Variants in DOCK1 observed in about 807,000 individuals in gnomAD.
The protein encoded by DOCK1 is dedicator of cytokinesis 1, also known as dedicator of cytokinesis protein 1.
Under a neutral mutation model 262.7 loss-of-function variants are expected in DOCK1, and 138 were observed. The ratio of observed to expected loss-of-function variants is 0.53; its 90% confidence interval spans 0.46 to 0.61. The LOEUF is 0.61. DOCK1 is among the 20% of genes least tolerant of loss of function. The pLI, the probability that DOCK1 is intolerant of heterozygous loss-of-function variation, is 0.00. For missense variants in DOCK1, 1,908 were observed against 2,370.7 expected, an observed-to-expected ratio of 0.80 and a Z score of 4.05; for synonymous variants, 866 against 867.4, an observed-to-expected ratio of 1.00 and a Z score of 0.03.
In DOCK1 at chr10:127,114,998, A is replaced by G. The variant is rs531453846; in HGVS notation, c.2623+4644A>G. 4.5e-4 allele frequency among the ~76,000 whole-genome samples: 68 copies of G among 151,656 alleles called. 1 individual carries two copies. The highest frequency in any genetic ancestry group is 1.4e-3 in the Admixed American group (21 of 15,240). On this transcript the variant is annotated intron_variant, in intron 25 of 51. Coordinates refer to ENST00000623213, the MANE Select transcript of DOCK1 (RefSeq NM_001290223.2). The stretch of plus-strand genomic sequence containing the variant: ...TCTTGATCTCTTGACCTCGTGATCC[A>G]CCCTCCTCAGCCTCCCATAGTGCTG...
intron 1 of DOCK1, among the ~76,000 whole-genome samples, chr10:126,937,887 C>G (rs1428155349): frequency 1.3e-5 from 2 of 152,090 alleles, no homozygotes; most frequent in African/African-American, 4.8e-5. Context: ...TTGTTGTTTT[C>G]TGTGCACTTG....
rs1359055544 is a variant in DOCK1, at chr10:127,451,225, A to T, written c.5566-107A>T. 6.4e-6 allele frequency: 8 copies of T among 1,252,060 alleles called. No individual in the cohort carries two copies. In the East Asian group the frequency reaches 2.0e-4, roughly 32 times the overall value. The allele number at this position is 1,252,060 out of a possible 1,614,324, so 77.6% of individuals were successfully genotyped here. On this transcript the variant is annotated intron_variant, in intron 51 of 51. Transcript: ENST00000623213. ...ATGGAGCCCAACTCATGTGGGGAGGATGGTTCCGGCTGAGTGGCTGTGCCA... is the reference window on the plus strand; with the variant it reads ...ATGGAGCCCAACTCATGTGGGGAGGTTGGTTCCGGCTGAGTGGCTGTGCCA...
intron 1 of DOCK1, among the ~76,000 whole-genome samples, chr10:126,937,711 A>C (rs2034650114): frequency 6.6e-6 from 1 of 151,172 alleles, no homozygotes; most frequent in Non-Finnish European, 1.5e-5. Context: ...CTTTGTTTTT[A>C]TTGAGTTGTA....
chr10:126,912,168 C>G (rs180897040), intron 1 of DOCK1, among the ~76,000 whole-genome samples: 2 of 152,232 alleles, frequency 1.3e-5, no homozygotes, highest in Admixed American at 6.5e-5. Context: ...GTGGCTCACA[C>G]CTGTAATCCC....
chr10:126,968,688 G>T (rs943707092), intron 1 of DOCK1, among the ~76,000 whole-genome samples: 1 of 152,198 alleles, frequency 6.6e-6, no homozygotes, highest in African/African-American at 2.4e-5. Context: ...CAGAATAGGT[G>T]TGCTGGCAGG....
At chr10:127,036,171 G>A (rs2043600695) in intron 18 of DOCK1, among the ~76,000 whole-genome samples, 2 of 152,172 alleles carry the variant, frequency 1.3e-5, no homozygotes, top group South Asian at 4.1e-4. Flanking sequence ...ACCACCTTGT[G>A]AATCAGGCAA....
chr10:127,384,540 C>T (rs771750116), intron 37 of DOCK1, among the ~76,000 whole-genome samples: 19 of 152,326 alleles, frequency 1.2e-4, no homozygotes, highest in Admixed American at 3.3e-4. Context: ...CTGCCAGTTC[C>T]GTGCTTTGCA....
chr10:127,347,289 C>T lies in DOCK1; in HGVS notation c.3224+3543C>T, dbSNP rs190705256. On this transcript the variant is annotated intron_variant, in intron 31 of 51. Transcript: ENST00000623213. ...GTGCCGGGGACAAAGACACAGACCTCGTGACGAAGAAGGTCATGGTCTAGT... is the reference window on the plus strand; with the variant it reads ...GTGCCGGGGACAAAGACACAGACCTTGTGACGAAGAAGGTCATGGTCTAGT... Among the ~76,000 whole-genome samples the T allele has an allele frequency of 2.1e-3, 319 of 152,202 alleles. 1 individual carries two copies. The highest frequency in any genetic ancestry group is 7.1e-3 in the African/African-American group (293 of 41,460).
chr10:127,267,068 C>A (rs1477665928), intron 29 of DOCK1, among the ~76,000 whole-genome samples: 2 of 152,214 alleles, frequency 1.3e-5, no homozygotes, highest in East Asian at 3.9e-4. Context: ...CTGGACCCTC[C>A]AGCAGGAAAA....
At chr10:127,309,163 T>A (rs2061975354) in intron 29 of DOCK1, among the ~76,000 whole-genome samples, 1 of 152,124 alleles carries the variant, frequency 6.6e-6, no homozygotes, top group Non-Finnish European at 1.5e-5. Flanking sequence ...GTTGTGGTTT[T>A]GATTTGCATT....
intron 1 of DOCK1, among the ~76,000 whole-genome samples, chr10:126,922,620 A>G (rs866502278): frequency 2.6e-5 from 4 of 152,168 alleles, no homozygotes; most frequent in Non-Finnish European, 5.9e-5. Context: ...TCACATTTCC[A>G]CAAGAGATTT....
intron 26 of DOCK1, 142 bp from the exon 27 acceptor site, chr10:127,127,527 C>A: frequency 2.0e-6 from 1 of 496,004 alleles, no homozygotes; most frequent in Non-Finnish European, 3.4e-6. Flanking sequence ...GAGCTTTTGC[C>A]TTTGACAAGG....
intron 27 of DOCK1, among the ~76,000 whole-genome samples, chr10:127,221,888 G>A (rs1590003587): frequency 6.6e-6 from 1 of 152,130 alleles, no homozygotes; most frequent in African/African-American, 2.4e-5. Context: ...AAAAAATATT[G>A]ATGGTAAATG....
intron 27 of DOCK1, among the ~76,000 whole-genome samples, chr10:127,226,545 C>T (rs916423017): frequency 2.6e-5 from 4 of 151,956 alleles, no homozygotes; most frequent in African/African-American, 9.7e-5. Context: ...GAGTTCGAGA[C>T]CAGCCTGGCC....
intron 25 of DOCK1, among the ~76,000 whole-genome samples, chr10:127,114,725 A>G (rs945871840): frequency 6.6e-6 from 1 of 151,738 alleles, no homozygotes; most frequent in African/African-American, 2.4e-5. Flanking sequence ...ACTCAGCTCC[A>G]CAAATTATCA....
intron 29 of DOCK1, among the ~76,000 whole-genome samples, chr10:127,302,227 C>G (rs2061705688): frequency 6.6e-6 from 1 of 152,112 alleles, no homozygotes; most frequent in South Asian, 2.1e-4. Context: ...ACCTGAGTCC[C>G]AAGGGTGTCT....
chr10:127,273,707 C>T (rs1265574949), intron 29 of DOCK1, among the ~76,000 whole-genome samples: 1 of 152,070 alleles, frequency 6.6e-6, no homozygotes, highest in Non-Finnish European at 1.5e-5. Context: ...CACGACGCAA[C>T]CCCATCTCTA....
chr10:127,104,741 C>T (rs560928032), intron 23 of DOCK1, among the ~76,000 whole-genome samples: 4 of 152,150 alleles, frequency 2.6e-5, no homozygotes, highest in Non-Finnish European at 5.9e-5. Flanking sequence ...GGTGGCAGAG[C>T]CAGAGTCAGA....
At chr10:127,064,499 G>A (rs2045731687) in intron 23 of DOCK1, among the ~76,000 whole-genome samples, 1 of 152,122 alleles carries the variant, frequency 6.6e-6, no homozygotes, top group Admixed American at 6.5e-5. Flanking sequence ...TTTTTCCAAG[G>A]TCATTTAAGT....
Sources: gnomAD v4.1 joint callset for allele counts (sites outside exome capture counted in the v4.1 genomes callset) on GRCh38, gnomAD v4.1.1 for gene constraint, MANE v1.5 for transcripts, NCBI Gene and HGNC (gene_info 2026-07-23, HGNC 2026-07-21) for gene names.